Variants in B4GALNT4 observed in about 807,000 individuals in gnomAD.
The protein encoded by B4GALNT4 is N-acetyl-beta-glucosaminyl-glycoprotein 4-beta-N-acetylgalactosaminyltransferase 1.
Under a neutral mutation model 110.0 loss-of-function variants are expected in B4GALNT4, and 77 were observed. The observed-to-expected ratio is 0.70, with a 90% CI of 0.58 to 0.85. B4GALNT4 has a LOEUF of 0.85. Ranked by LOEUF, B4GALNT4 falls within the 40% of genes least tolerant of loss-of-function variation. B4GALNT4 has a pLI of 0.00. For missense variants in B4GALNT4, 1,575 were observed against 1,506.0 expected, an observed-to-expected ratio of 1.05 and a Z score of -0.76; for synonymous variants, 785 against 655.5, an observed-to-expected ratio of 1.20 and a Z score of -3.02.
In B4GALNT4 at chr11:369,746, G is replaced by C; in HGVS notation, c.-58G>C. On this transcript the variant is annotated 5_prime_UTR_variant, in exon 1 of 20. Transcript: ENST00000329962. ...CGGGGATGCGGCGCGGGGCGGGCGG[G>C]GGCCGGGGGCTGCAGCGGCGCCGCT... 1 of 879,268 alleles carries C rather than the reference G, an allele frequency of 1.1e-6. No individual in the cohort carries two copies. Among genetic ancestry groups the C allele is most frequent in the East Asian group, 1.2e-4 (1 of 8,064 alleles). 54.5% of individuals were successfully genotyped at this position (879,268 alleles called of 1,614,324 possible). A position where few individuals can be genotyped will look rare whatever the true frequency, so the allele number is the denominator to read the frequency against.
Position 375,532 on chromosome 11 carries a change from G to A in B4GALNT4, c.850+5G>A. ...CTCACATCTCCCTGTACACAGGTGC[G>A]AGCGGACGCCTCTGGGGATGTGGGG... On this transcript the variant is annotated splice_donor_5th_base_variant and intron_variant, in intron 9 of 19. Coordinates refer to ENST00000329962, the MANE Select transcript of B4GALNT4 (RefSeq NM_178537.5). 6.2e-7 allele frequency: 1 copy of A among 1,610,124 alleles called. No individual in the cohort carries two copies.
intron 8 of B4GALNT4, 110 bp from the exon 9 acceptor site, chr11:375,351 C>A: frequency 8.8e-7 from 1 of 1,137,420 alleles, no homozygotes; most frequent in Non-Finnish European, 1.3e-6. Context: ...CTCCTGCATC[C>A]TTTAAGGGAT....
At chr11:378,373 G>A (rs527696373) in intron 14 of B4GALNT4, among the ~76,000 whole-genome samples, 73 of 152,312 alleles carry the variant, frequency 4.8e-4, no homozygotes, top group African/African-American at 1.7e-3. Flanking sequence ...CGCCTGCCCC[G>A]GCTCTAAGCT....
Position 379,665 on chromosome 11 carries a change from T to C in B4GALNT4, c.2452T>C (p.Trp818Arg). 6.7e-7 allele frequency: 1 copy of C among 1,503,688 alleles called. No homozygotes were observed. Among genetic ancestry groups the C allele is most frequent in the East Asian group, 2.3e-5 (1 of 42,900 alleles). 93.1% of individuals were successfully genotyped at this position (1,503,688 alleles called of 1,614,324 possible). A position where few individuals can be genotyped will look rare whatever the true frequency, so the allele number is the denominator to read the frequency against. ...PELCRPLRLA[W>R]RQDVMVHFIV... ...GCTCTGCCGGCCACTGCGCCTGGCCTGGCGCCAGGACGTGATGGTTCACTT... is the reference window on the plus strand; with the variant it reads ...GCTCTGCCGGCCACTGCGCCTGGCCCGGCGCCAGGACGTGATGGTTCACTT... The change falls in exon 15 of 20, where the codon TGG becomes CGG. Residue 818 changes from tryptophan to arginine, a missense_variant. Trp to Arg is a moderately radical substitution (Grantham distance 101). Transcript: ENST00000329962.
chr11:375,663 A>C lies in B4GALNT4; in HGVS notation c.875A>C (p.His292Pro). ...GATGAGTCAGCCTTGAAGATGGACCACGTGGCGCACGTCCCCCAGTCTCCA... is the reference window on the plus strand; with the variant it reads ...GATGAGTCAGCCTTGAAGATGGACCCCGTGGCGCACGTCCCCCAGTCTCCA... Reference protein sequence around the residue: ...YTDESALKMDHVAHVPQSPAS... With the variant: ...YTDESALKMDPVAHVPQSPAS... Residue 292 changes from histidine (H) to proline (P), a missense_variant, in exon 10 of 20, where the codon CAC becomes CCC. Transcript: ENST00000329962. 6.3e-7 allele frequency: 1 copy of C among 1,590,852 alleles called. No individual in the cohort carries two copies. The highest frequency in any genetic ancestry group is 8.5e-7 in the Non-Finnish European group (1 of 1,173,132).
Position 381,946 on chromosome 11 carries a change from C to A in B4GALNT4, c.*154C>A. 2 of 927,242 alleles carry A rather than the reference C, an allele frequency of 2.2e-6. No homozygotes were observed. The highest frequency in any genetic ancestry group is 3.0e-6 in the Non-Finnish European group (2 of 676,124). 57.4% of individuals were successfully genotyped at this position (927,242 alleles called of 1,614,324 possible). A position where few individuals can be genotyped will look rare whatever the true frequency, so the allele number is the denominator to read the frequency against. On this transcript the variant is annotated 3_prime_UTR_variant, in exon 20 of 20. Transcript: ENST00000329962. ...TCTCTGGCCCACTGGGCGTCGTGCC[C>A]CTCCCCGGAGAGGCAGCCTTCACGG...
intron 1 of B4GALNT4, 83 bp from the exon 2 acceptor site, chr11:372,026 C>G: frequency 8.5e-7 from 1 of 1,173,666 alleles, no homozygotes; most frequent in Non-Finnish European, 1.2e-6. Context: ...CATGTGGGTC[C>G]CTGGCCCAGC....
intron 8 of B4GALNT4, 133 bp downstream of exon 8, chr11:373,961 G>T (rs947785708): frequency 1.2e-6 from 1 of 863,978 alleles, no homozygotes; most frequent in Non-Finnish European, 1.8e-6. Context: ...AGGTCAGGAG[G>T]GTCTGCTCTG....
Position 376,733 on chromosome 11 carries a change from C to A in B4GALNT4, c.1610C>A (p.Ser537Tyr). ...VTRVRPGQRA[S>Y]PRAPAPRAPW... ...AGGGTGCGGCCGGGACAGCGGGCAT[C>A]CCCCCGGGCCCCAGCGCCGCGTGCG... Residue 537 changes from serine (S) to tyrosine (Y), a missense_variant, in exon 14 of 20, where the codon TCC (serine) becomes TAC (tyrosine). By Grantham distance (144) the Ser-to-Tyr change is moderately radical (BLOSUM62 -2). Transcript: ENST00000329962. 2 of 1,389,060 alleles carry A rather than the reference C, an allele frequency of 1.4e-6. No homozygotes were observed. The highest frequency in any genetic ancestry group is 1.9e-6 in the Non-Finnish European group (2 of 1,077,132). 86.0% of individuals were successfully genotyped at this position (1,389,060 alleles called of 1,614,324 possible).
chr11:372,860 G>A lies in B4GALNT4; in HGVS notation c.357G>A (p.Gly119=), dbSNP rs1178595078. 1.2e-6 allele frequency: 2 copies of A among 1,611,500 alleles called. No homozygotes were observed. The highest frequency in any genetic ancestry group is 1.1e-5 in the South Asian group (1 of 91,016). The change falls in exon 4 of 20, where the codon GGG becomes GGA. Residue 119 remains glycine (G), a synonymous_variant. Transcript: ENST00000329962. Reference sequence around the variant, plus strand: ...GGCCCCCCCATCCCCAGTACAAGGGGCAGGTGAACCTGCACGTGTTTGAGG... The same window carrying A: ...GGCCCCCCCATCCCCAGTACAAGGGACAGGTGAACCTGCACGTGTTTGAGG... The part of the protein sequence containing the change: ...QTPPWREEYK[G]QVNLHVFEDW...
intron 14 of B4GALNT4, among the ~76,000 whole-genome samples, chr11:378,511 G>C (rs1225513457): frequency 6.6e-6 from 1 of 152,176 alleles, no homozygotes; most frequent in Non-Finnish European, 1.5e-5. Context: ...TGGGGCAGGA[G>C]GTCCCTGACA....
rs1041755272 is a variant in B4GALNT4, at chr11:376,975, T to C, written c.1852T>C (p.Leu618=). The C allele has an allele frequency of 6.9e-7, 1 of 1,458,402 alleles. No individual in the cohort carries two copies. The highest frequency in any genetic ancestry group is 9.0e-7 in the Non-Finnish European group (1 of 1,110,860). 90.3% of individuals were successfully genotyped at this position (1,458,402 alleles called of 1,614,324 possible). A position where few individuals can be genotyped will look rare whatever the true frequency, so the allele number is the denominator to read the frequency against. ...TGCGGCGCCCACAGTGGACTCAAAC[T>C]TGTCCTCCGAAGCGCGGCCCGTGAC... ...GPAAPTVDSN[L]SSEARPVTSF... Residue 618 remains leucine (L), a synonymous_variant, in exon 14 of 20, where the codon TTG becomes CTG. Coordinates refer to ENST00000329962, the MANE Select transcript of B4GALNT4 (RefSeq NM_178537.5).
At chr11:373,161 C>G (rs775187167) in intron 5 of B4GALNT4, 30 bp from the exon 6 acceptor site, 2 of 1,611,896 alleles carry the variant, frequency 1.2e-6, no homozygotes, top group African/African-American at 2.7e-5. Context: ...CGTGAGGCTC[C>G]ACCCCCCTGA....
In B4GALNT4 at chr11:372,765, T is replaced by C; in HGVS notation, c.348+11T>C. The stretch of plus-strand genomic sequence containing the variant: ...CCATGGCGGGAGGAGGTGAGCTGGC[T>C]CGGCCTGTAATGGGCTGGGAGGCAG... On this transcript the variant is annotated intron_variant, in intron 3 of 19. Transcript: ENST00000329962. The C allele has an allele frequency of 7.0e-7, 1 of 1,420,146 alleles. No homozygotes were observed. The highest frequency in any genetic ancestry group is 9.4e-7 in the Non-Finnish European group (1 of 1,061,740). The allele number at this position is 1,420,146 out of a possible 1,614,324, so 88.0% of individuals were successfully genotyped here.
At chr11:371,046 C>T (rs750052237) in intron 1 of B4GALNT4, among the ~76,000 whole-genome samples, 12 of 152,148 alleles carry the variant, frequency 7.9e-5, no homozygotes, top group Non-Finnish European at 1.3e-4. Flanking sequence ...TGACACAGAA[C>T]AAAACCAGCC....
chr11:380,962 C>T lies in B4GALNT4; in HGVS notation c.2996+11C>T, dbSNP rs1590344686. On this transcript the variant is annotated intron_variant, in intron 19 of 19. Transcript: ENST00000329962. Reference sequence around the variant, plus strand: ...GGAGCTCCTGGACAGGTGACCACCTCCCCACTCCCCAGAGGTGACACCCTG... The same window carrying T: ...GGAGCTCCTGGACAGGTGACCACCTTCCCACTCCCCAGAGGTGACACCCTG... 6.2e-7 allele frequency: 1 copy of T among 1,609,122 alleles called. No homozygotes were observed. The highest frequency in any genetic ancestry group is 2.2e-5 in the East Asian group (1 of 44,656).
At position 372,874 on chromosome 11, in the gene B4GALNT4, A is replaced by G; in HGVS notation, c.371A>G (p.His124Arg). The change falls in exon 4 of 20, where the codon CAC becomes CGC. Residue 124 changes from histidine (H) to arginine (R), a missense_variant. Physicochemically the swap from His to Arg is conservative, Grantham distance 29. Transcript: ENST00000329962. ...CAGTACAAGGGGCAGGTGAACCTGC[A>G]CGTGTTTGAGGACTGGTGTGGGGGC... is the stretch of plus-strand genomic sequence containing the variant. ...REEYKGQVNL[H>R]VFEDWCGGAV... is the part of the protein sequence containing the mutation. 6.2e-7 allele frequency: 1 copy of G among 1,611,526 alleles called. No individual in the cohort carries two copies. Among genetic ancestry groups the G allele is most frequent in the Non-Finnish European group, 8.5e-7 (1 of 1,179,638 alleles).
chr11:376,679 A>T lies in B4GALNT4; in HGVS notation c.1556A>T (p.Glu519Val). 7.0e-7 allele frequency: 1 copy of T among 1,427,426 alleles called. No individual in the cohort carries two copies. The allele number at this position is 1,427,426 out of a possible 1,614,324, so 88.4% of individuals were successfully genotyped here. ...GRAPPPRPAV[E>V]QPPPKVYVTR... ...GCTCCGCCCCCGCGCCCTGCAGTGGAGCAGCCGCCCCCAAAGGTGTACGTG... is the reference window on the plus strand; with the variant it reads ...GCTCCGCCCCCGCGCCCTGCAGTGGTGCAGCCGCCCCCAAAGGTGTACGTG... Residue 519 changes from glutamate to valine, a missense_variant, in exon 14 of 20, where the codon GAG (glutamate) becomes GTG (valine). Transcript: ENST00000329962.
rs750880553 is a variant in B4GALNT4 at position 375,720 on chromosome 11, A to G, written c.932A>G (p.Glu311Gly). Residue 311 changes from glutamate to glycine, a missense_variant, in exon 10 of 20, where the codon GAG (glutamate) becomes GGG (glycine). Glu to Gly is a moderately conservative substitution (Grantham distance 98). Transcript: ENST00000329962. Reference sequence around the variant, plus strand: ...CACGTGGGGGGGCGTCCGCCGCAGGAGGAGACCAGCGCAGACATGCTGCGG... The same window carrying G: ...CACGTGGGGGGGCGTCCGCCGCAGGGGGAGACCAGCGCAGACATGCTGCGG... Reference protein sequence around the residue: ...ASHVGGRPPQEETSADMLRPD... With the variant: ...ASHVGGRPPQGETSADMLRPD... 12 of 1,595,796 alleles carry G rather than the reference A, an allele frequency of 7.5e-6. No individual in the cohort carries two copies. The highest frequency in any genetic ancestry group is 4.0e-5 in the African/African-American group (3 of 74,776).
Sources: allele counts gnomAD v4.1 joint callset (sites outside exome capture counted in the v4.1 genomes callset), GRCh38; gene constraint gnomAD v4.1.1; transcripts MANE v1.5; gene names NCBI Gene and HGNC (gene_info 2026-07-23, HGNC 2026-07-21).